ABCA10: variants seen among roughly 807,000 people sequenced by gnomAD.
ABCA10 encodes the protein ATP-binding cassette sub-family A member 10.
ABCA10 carries 169 observed loss-of-function variants against 187.5 expected under a neutral mutation model. The ratio of observed to expected loss-of-function variants is 0.90; its 90% CI spans 0.80 to 1.02. The LOEUF is 1.02. Ranked by LOEUF, ABCA10 falls within the 50% of genes least tolerant of loss-of-function variation. The pLI is 0.00. For synonymous variants in ABCA10, 574 were observed against 601.8 expected (o/e 0.95, Z 0.68); for missense variants, 1,727 against 1,812.4 (o/e 0.95, Z 0.86).
chr17:69,205,163 G>A (rs568328641), intron 9 of ABCA10, among the ~76,000 whole-genome samples: 3 of 151,988 alleles, frequency 2.0e-5, no homozygotes, highest in South Asian at 2.1e-4. Context: ...TTAAAAATAC[G>A]TATTATACCC....
chr17:69,224,855 G>A (rs1227928999), intron 3 of ABCA10, among the ~76,000 whole-genome samples: 1 of 151,998 alleles, frequency 6.6e-6, no homozygotes, highest in African/African-American at 2.4e-5. Flanking sequence ...CCATTGCTAA[G>A]CTTGAGTTTG....
At chr17:69,166,652 C>T (rs1308781163) in intron 25 of ABCA10, among the ~76,000 whole-genome samples, 1 of 152,122 alleles carries the variant, frequency 6.6e-6, no homozygotes, top group Admixed American at 6.6e-5. Context: ...GAATGTAATG[C>T]CCTCAAAGGA....
chr17:69,204,051 A>G (rs1162240595), intron 9 of ABCA10, among the ~76,000 whole-genome samples: 1 of 152,220 alleles, frequency 6.6e-6, no homozygotes, highest in African/African-American at 2.4e-5. Flanking sequence ...TACATTCCCT[A>G]TCAAGTGAAA....
At chr17:69,210,170 C>CTTTTTTTTTTTTTTTTTT (rs1160992125) in intron 9 of ABCA10, among the ~76,000 whole-genome samples, 2 of 70,894 alleles carry the variant, frequency 2.8e-5, no homozygotes, top group African/African-American at 6.7e-5. Flanking sequence ...GTGGTTATTT[C>CTTTTTTTTTTTTTTTTTT]TTTTTTTTTT....
At chr17:69,205,338 A>G (rs2074583390) in intron 9 of ABCA10, among the ~76,000 whole-genome samples, 1 of 152,192 alleles carries the variant, frequency 6.6e-6, no homozygotes, top group Non-Finnish European at 1.5e-5. Context: ...CACTTTGTTC[A>G]TCCTGAATAA....
intron 36 of ABCA10, 77 bp from the exon 37 acceptor site, chr17:69,150,140 A>G: frequency 9.3e-7 from 1 of 1,075,750 alleles, no homozygotes; most frequent in Non-Finnish European, 1.4e-6. Context: ...GGCAAAGTAA[A>G]ATAATTTTTC....
intron 1 of ABCA10, among the ~76,000 whole-genome samples, chr17:69,241,500 A>G (rs2144871123): frequency 6.6e-6 from 1 of 152,330 alleles, no homozygotes. Flanking sequence ...GAATGTCAAT[A>G]AAATGTCCAT....
At position 69,149,999 on chromosome 17, in the gene ABCA10, A is replaced by C. The variant is rs767895174; in HGVS notation, c.4462T>G (p.Phe1488Val). ...EDVHPLSRAF[F>V]KLEAMKQTFN... is the part of the protein sequence containing the mutation. ...CCAAACTTACTCGCCTCTAACTTGA[A>C]AAAGGCCCGAGATAGAGGGTGGACA... is the stretch of plus-strand genomic sequence containing the variant. The change falls in exon 37 of 39, where the codon TTC (phenylalanine) becomes GTC (valine). Residue 1488 changes from phenylalanine to valine, a missense_variant. Physicochemically the swap from Phe to Val is conservative, Grantham distance 50. Coordinates refer to ENST00000690296, the MANE Select transcript of ABCA10 (RefSeq NM_001377321.1). 4 of 1,612,364 alleles carry C rather than the reference A, an allele frequency of 2.5e-6. No individual in the cohort carries two copies. The Admixed American group carries it at 6.7e-5, about 27-fold the overall frequency.
intron 10 of ABCA10, among the ~76,000 whole-genome samples, chr17:69,197,782 T>C (rs1231583990): frequency 6.8e-6 from 1 of 147,676 alleles, no homozygotes; most frequent in Non-Finnish European, 1.5e-5. Flanking sequence ...GCGTACTTTA[T>C]GGACTCCTTA....
At chr17:69,196,379 C>T (rs1241747381) in intron 11 of ABCA10, 1 of 173,016 alleles carries the variant, frequency 5.8e-6, no homozygotes, top group Non-Finnish European at 1.2e-5. Flanking sequence ...GACGGGGTCG[C>T]GGCCGGGCAG....
At chr17:69,229,723 C>T (rs953896674), upstream of ABCA10, among the ~76,000 whole-genome samples, 2 of 151,636 alleles carry the variant, frequency 1.3e-5, no homozygotes, top group African/African-American at 2.4e-5. Context: ...ACTTTAATTG[C>T]TTTCCTTTGT....
intron 9 of ABCA10, among the ~76,000 whole-genome samples, chr17:69,210,345 G>A (rs111810426): frequency 0.087 from 12,889 of 148,138 alleles, 1,942 homozygotes; most frequent in African/African-American, 0.31. Context: ...GCCCGCCACC[G>A]CGCCCGGCTA....
At chr17:69,231,298 T>C (rs138962434), upstream of ABCA10, among the ~76,000 whole-genome samples, 45 of 152,308 alleles carry the variant, frequency 3.0e-4, no homozygotes, top group African/African-American at 1.0e-3. Flanking sequence ...TATTTGTCTC[T>C]TTCATTCTAC....
intron 36 of ABCA10, among the ~76,000 whole-genome samples, chr17:69,150,961 G>A (rs2074123133): frequency 6.6e-6 from 1 of 152,146 alleles, no homozygotes. Context: ...TCAAAGCTGA[G>A]AGCTCCTGGG....
chr17:69,151,951 C>G (rs921034519), intron 36 of ABCA10, 92 bp downstream of exon 36: 4 of 1,509,440 alleles, frequency 2.6e-6, no homozygotes, highest in Non-Finnish European at 3.5e-6. Context: ...TCCACTCTGC[C>G]TTTCTCTTCC....
At chr17:69,183,748 G>A (rs2144791850) in intron 20 of ABCA10, among the ~76,000 whole-genome samples, 1 of 152,250 alleles carries the variant, frequency 6.6e-6, no homozygotes, top group Non-Finnish European at 1.5e-5. Context: ...TTGTCTCAGA[G>A]GGGTCCTTGG....
intron 25 of ABCA10, among the ~76,000 whole-genome samples, chr17:69,171,460 G>A (rs1251607203): frequency 3.3e-5 from 5 of 152,228 alleles, no homozygotes; most frequent in Admixed American, 3.3e-4. Context: ...CAAGGACATG[G>A]AAAATTTGAA....
chr17:69,178,535 T>C (rs1738697955), intron 22 of ABCA10, among the ~76,000 whole-genome samples: 1 of 152,144 alleles, frequency 6.6e-6, no homozygotes, highest in African/African-American at 2.4e-5. Flanking sequence ...GATACTAGTG[T>C]ATGTTAAAGT....
At position 69,190,419 on chromosome 17, in the gene ABCA10, T is replaced by G. The variant is rs766231005; in HGVS notation, c.2070A>C (p.Ser690=). 31 of 1,585,118 alleles carry G rather than the reference T, an allele frequency of 2.0e-5. No homozygotes were observed. Among genetic ancestry groups the G allele is most frequent in the Non-Finnish European group, 2.5e-5 (29 of 1,171,740 alleles). ...AGAATACTTCATTCAGAGATGTCAC[T>G]GAAACAGCATAATTCCTTATGCCCT... ...SDQGIRNYAV[S]VTSLNEVFLN... is the part of the protein sequence containing the mutation. The change falls in exon 18 of 39, where the codon TCA becomes TCC. Residue 690 remains serine, a synonymous_variant. Transcript: ENST00000690296.
Sources: gnomAD v4.1 joint callset for allele counts (sites outside exome capture counted in the v4.1 genomes callset) on GRCh38, gnomAD v4.1.1 for gene constraint, MANE v1.5 for transcripts, NCBI Gene and HGNC (gene_info 2026-07-23, HGNC 2026-07-21) for gene names.